Variants in DHX37 observed in about 807,000 individuals in gnomAD.
DHX37 encodes the protein probable ATP-dependent RNA helicase DHX37.
Under a neutral mutation model 134.3 loss-of-function variants are expected in DHX37, and 52 were observed. The observed-to-expected ratio is 0.39, with a 90% CI of 0.31 to 0.49. The LOEUF is 0.49. DHX37 is among the 20% of genes least tolerant of loss of function. The pLI, the probability that DHX37 is intolerant of heterozygous loss-of-function variation, is 0.93. For missense variants in DHX37, 1,344 were observed against 1,580.8 expected (o/e 0.85, Z 2.54); for synonymous variants, 634 against 670.7 (o/e 0.95, Z 0.85).
intron 6 of DHX37, among the ~76,000 whole-genome samples, chr12:124,974,361 G>A (rs1954586414): frequency 6.6e-6 from 1 of 151,942 alleles, no homozygotes; most frequent in African/African-American, 2.4e-5. Flanking sequence ...GGACGTGCAG[G>A]AGATGGTCAG....
At chr12:124,976,203 G>A (rs773049218) in intron 5 of DHX37, among the ~76,000 whole-genome samples, 5 of 152,226 alleles carry the variant, frequency 3.3e-5, no homozygotes, top group Admixed American at 1.3e-4. Context: ...AGTCCACCGG[G>A]AGGGGACTCT....
intron 7 of DHX37, among the ~76,000 whole-genome samples, 188 bp downstream of exon 7, chr12:124,972,315 T>C (rs533342978): frequency 6.6e-6 from 1 of 152,362 alleles, no homozygotes; most frequent in East Asian, 1.9e-4. Context: ...CTCTAAGGAA[T>C]GCACCAACAT....
chr12:124,957,448 C>G (rs11837478), intron 16 of DHX37, among the ~76,000 whole-genome samples: 23,630 of 152,126 alleles, frequency 0.16, 4,658 homozygotes, highest in African/African-American at 0.47. Context: ...GAGGACTGAG[C>G]GTCATTTGAC....
chr12:124,958,092 T>G (rs1954138519), intron 16 of DHX37, among the ~76,000 whole-genome samples: 1 of 151,482 alleles, frequency 6.6e-6, no homozygotes, highest in South Asian at 2.1e-4. Flanking sequence ...AGCTGGGAGG[T>G]GGTGACAGAT....
intron 14 of DHX37, 111 bp downstream of exon 14, chr12:124,964,819 T>G (rs972542322): frequency 4.4e-5 from 64 of 1,439,108 alleles, no homozygotes; most frequent in Non-Finnish European, 5.1e-5. Context: ...CTCAAAACTC[T>G]GGGGATGCTG....
Position 124,956,759 on chromosome 12 carries a change from G to A in DHX37, c.2385C>T (p.Gly795=), listed in dbSNP as rs779259753. ...AKMLALSRQH[G]CLPYAITIVA... ...CGATGGTGATGGCATAGGGCAGGCA[G>A]CCGTGTTGTCGGCTCAGTGCCAGCA... The change falls in exon 18 of 27, where the codon GGC becomes GGT. Residue 795 remains glycine (G), a synonymous_variant. Transcript: ENST00000308736. 14 of 1,609,984 alleles carry A rather than the reference G, an allele frequency of 8.7e-6. No homozygotes were observed. The highest frequency in any genetic ancestry group is 1.2e-5 in the Non-Finnish European group (14 of 1,177,000).
chr12:124,977,446 G>C lies in DHX37; in HGVS notation c.783C>G (p.Ile261Met), dbSNP rs760532702. ...TGGGGTGCTCGGCCACAGCCTCCAT[G>C]ATTACTTGTTCTTCGGAGAGAATTG... ...KLPILSEEQV[I>M]MEAVAEHPIV... The change falls in exon 5 of 27, where the codon ATC becomes ATG. Residue 261 changes from isoleucine (I) to methionine (M), a missense_variant. By Grantham distance (10) the Ile-to-Met change is conservative. Around this residue, in one of 7 missense-constraint regions of DHX37, gnomAD observed 77 missense variants for 121.6 expected, o/e 0.63. Coordinates refer to ENST00000308736, the MANE Select transcript of DHX37 (RefSeq NM_032656.4). The C allele has an allele frequency of 1.2e-6, 2 of 1,611,916 alleles. No individual in the cohort carries two copies. The highest frequency in any genetic ancestry group is 1.7e-6 in the Non-Finnish European group (2 of 1,179,290).
chr12:124,947,221 G>C lies in DHX37; in HGVS notation c.*581C>G, dbSNP rs1953894026. 6.6e-6 allele frequency: 1 copy of C among 152,410 alleles called. No individual in the cohort carries two copies. The highest frequency in any genetic ancestry group is 1.5e-5 in the Non-Finnish European group (1 of 68,160). 9.4% of individuals were successfully genotyped at this position (152,410 alleles called of 1,614,324 possible). Reference sequence around the variant, plus strand: ...GCCGTCTGAGAGCTGACCACAGGCAGATGAGATGCCCACTCCCTGTTGCCA... The same window carrying C: ...GCCGTCTGAGAGCTGACCACAGGCACATGAGATGCCCACTCCCTGTTGCCA... On this transcript the variant is annotated 3_prime_UTR_variant, in exon 27 of 27. Coordinates refer to ENST00000308736, the MANE Select transcript of DHX37 (RefSeq NM_032656.4).
At chr12:124,971,464 G>A (rs962787016) in intron 7 of DHX37, 49 bp from the exon 8 acceptor site, 2 of 1,592,608 alleles carry the variant, frequency 1.3e-6, no homozygotes, top group Admixed American at 3.5e-5. Flanking sequence ...TAAGCCCCAA[G>A]GGCCGCTTCA....
At chr12:124,962,464 C>T (rs779574422) in intron 15 of DHX37, among the ~76,000 whole-genome samples, 2 of 151,712 alleles carry the variant, frequency 1.3e-5, no homozygotes, top group Non-Finnish European at 2.9e-5. Flanking sequence ...AAGACCAGCC[C>T]GGTCAACATG....
At chr12:124,986,327 C>T (rs58131469) in intron 1 of DHX37, 62 bp from the exon 2 acceptor site, 29,248 of 1,582,068 alleles carry the variant, frequency 0.018, 1,809 homozygotes, top group East Asian at 0.17. Context: ...CCGCCTCCCA[C>T]AAGCCCCCTG....
At chr12:124,978,310 C>T (rs934457692) in intron 4 of DHX37, among the ~76,000 whole-genome samples, 10 of 151,132 alleles carry the variant, frequency 6.6e-5, no homozygotes, top group Admixed American at 6.6e-4. Context: ...TATTCTATTC[C>T]ACTTGTTGTA....
At chr12:124,968,747 C>T in intron 9 of DHX37, 99 bp from the exon 10 acceptor site, 1 of 1,600,028 alleles carries the variant, frequency 6.2e-7, no homozygotes. Flanking sequence ...AGGTTTCTAA[C>T]ACCCCCTCCA....
chr12:124,966,380 C>T (rs1482037024), intron 12 of DHX37, among the ~76,000 whole-genome samples: 3 of 152,042 alleles, frequency 2.0e-5, no homozygotes, highest in Admixed American at 2.0e-4. Flanking sequence ...TTTTCCATTT[C>T]TGAGACAGAG....
At chr12:124,972,649 G>A in intron 6 of DHX37, 50 bp from the exon 7 acceptor site, 1 of 1,586,924 alleles carries the variant, frequency 6.3e-7, no homozygotes, top group Non-Finnish European at 8.7e-7. Flanking sequence ...GGCTGGGGCT[G>A]TCGCCACGGG....
chr12:124,988,025 GCTCT>G (rs1409466023), intron 1 of DHX37, among the ~76,000 whole-genome samples: 16 of 119,994 alleles, frequency 1.3e-4, no homozygotes, highest in African/African-American at 5.3e-4. Flanking sequence ...ATGGAGTCTC[GCTCT>G]CTCACCCAGG....
At chr12:124,954,544 C>A (rs1263099747) in intron 18 of DHX37, among the ~76,000 whole-genome samples, 1 of 152,118 alleles carries the variant, frequency 6.6e-6, no homozygotes, top group East Asian at 1.9e-4. Context: ...CAGGTGCCCA[C>A]CACCAGGCCC....
chr12:124,963,816 C>A (rs1954320439), intron 15 of DHX37, among the ~76,000 whole-genome samples: 1 of 142,180 alleles, frequency 7.0e-6, no homozygotes, highest in Non-Finnish European at 1.5e-5. Flanking sequence ...GGAGGTGGAG[C>A]TTCCAGTGAG....
intron 20 of DHX37, chr12:124,952,897 G>C (rs916975625): frequency 1.1e-5 from 2 of 183,814 alleles, no homozygotes; most frequent in Admixed American, 1.2e-4. Flanking sequence ...GTTGCGGCTG[G>C]AATTCCTGGG....
Sources: allele counts gnomAD v4.1 joint callset (sites outside exome capture counted in the v4.1 genomes callset), GRCh38; gene constraint gnomAD v4.1.1; regional missense constraint gnomAD v4.1.1; transcripts MANE v1.5; gene names NCBI Gene and HGNC (gene_info 2026-07-23, HGNC 2026-07-21).